Variants in ATRNL1 observed in about 807,000 individuals in gnomAD.
The protein encoded by ATRNL1 is attractin like 1.
A neutral mutation model predicts 182.7 loss-of-function variants in ATRNL1; 95 were observed. The observed-to-expected ratio is 0.52, with a 90% confidence interval of 0.44 to 0.62. The LOEUF (loss-of-function observed/expected upper bound fraction) is 0.62, where lower values mean the gene tolerates loss of function less well. ATRNL1 is among the 20% of genes least tolerant of loss of function. ATRNL1 has a pLI of 0.00. For missense variants in ATRNL1, 1,471 were observed against 1,679.5 expected (o/e 0.88, Z 2.17); for synonymous variants, 576 against 568.3 (o/e 1.01, Z -0.19).
chr10:115,463,689 T>C (rs142043405), intron 22 of ATRNL1, among the ~76,000 whole-genome samples: 214 of 152,206 alleles, frequency 1.4e-3, no homozygotes, highest in African/African-American at 4.8e-3. Flanking sequence ...GCCCCTGGTA[T>C]CTTTATTCTA....
At chr10:115,191,689 A>G (rs149716750) in intron 8 of ATRNL1, among the ~76,000 whole-genome samples, 6 of 152,064 alleles carry the variant, frequency 3.9e-5, no homozygotes, top group South Asian at 2.1e-4. Context: ...TAAGTATTTC[A>G]TAGTTCCTCC....
intron 15 of ATRNL1, among the ~76,000 whole-genome samples, chr10:115,291,873 A>G (rs532367991): frequency 1.6e-4 from 23 of 144,142 alleles, no homozygotes; most frequent in Non-Finnish European, 2.7e-4. Flanking sequence ...TGCTGACCTC[A>G]TAGAATGAGT....
intron 28 of ATRNL1, among the ~76,000 whole-genome samples, chr10:115,899,828 C>A (rs1304440166): frequency 6.6e-6 from 1 of 152,062 alleles, no homozygotes; most frequent in Non-Finnish European, 1.5e-5. Context: ...TTCTACATGA[C>A]TGATGGTTAA....
chr10:115,130,883 TC>T, intron 5 of ATRNL1, among the ~76,000 whole-genome samples: 1 of 152,122 alleles, frequency 6.6e-6, no homozygotes, highest in Non-Finnish European at 1.5e-5. Context: ...ATTTCAGCAG[TC>T]TTAAAAGCAA....
At chr10:115,138,012 G>A (rs1158754295) in intron 5 of ATRNL1, among the ~76,000 whole-genome samples, 1 of 152,164 alleles carries the variant, frequency 6.6e-6, no homozygotes, top group East Asian at 1.9e-4. Flanking sequence ...GGAGAAATTG[G>A]CAAAGCAAAG....
At chr10:115,145,454 G>A (rs1470343603) in intron 5 of ATRNL1, among the ~76,000 whole-genome samples, 3 of 152,082 alleles carry the variant, frequency 2.0e-5, no homozygotes, top group Admixed American at 6.6e-5. Flanking sequence ...TCTTGGAACA[G>A]ATCTAGTATA....
At chr10:115,147,131 G>A (rs1184249666) in intron 5 of ATRNL1, among the ~76,000 whole-genome samples, 2 of 151,996 alleles carry the variant, frequency 1.3e-5, no homozygotes, top group Non-Finnish European at 2.9e-5. Context: ...ATCCTTGCCA[G>A]CATCTGTTAT....
chr10:115,756,593 A>G (rs1305634552), intron 27 of ATRNL1, among the ~76,000 whole-genome samples: 1 of 152,122 alleles, frequency 6.6e-6, no homozygotes, highest in Non-Finnish European at 1.5e-5. Context: ...TATGTGGTCA[A>G]TTTTAGAATA....
At chr10:115,370,580 C>T (rs574364626) in intron 19 of ATRNL1, among the ~76,000 whole-genome samples, 12 of 152,290 alleles carry the variant, frequency 7.9e-5, no homozygotes, top group Middle Eastern at 3.4e-3. Flanking sequence ...ATTTGTGGAA[C>T]TTTGAACTTG....
At chr10:115,188,226 A>G (rs1325584753) in intron 8 of ATRNL1, among the ~76,000 whole-genome samples, 15 of 152,146 alleles carry the variant, frequency 9.9e-5, no homozygotes, top group Admixed American at 9.8e-4. Context: ...TTATTTGCAA[A>G]TAAATGTGAA....
chr10:115,903,230 G>A (rs1952406592), intron 28 of ATRNL1, among the ~76,000 whole-genome samples: 1 of 152,072 alleles, frequency 6.6e-6, no homozygotes, highest in Admixed American at 6.6e-5. Context: ...TGCATCTGGT[G>A]GGTGCTAAGT....
At chr10:115,188,364 A>G (rs915118950) in intron 8 of ATRNL1, among the ~76,000 whole-genome samples, 3 of 152,222 alleles carry the variant, frequency 2.0e-5, no homozygotes, top group South Asian at 4.1e-4. Context: ...CTTTTTTGTT[A>G]TACTTAGAAT....
intron 26 of ATRNL1, among the ~76,000 whole-genome samples, chr10:115,668,672 G>T (rs782150338): frequency 1.3e-5 from 2 of 152,040 alleles, no homozygotes; most frequent in African/African-American, 2.4e-5. Context: ...GTACTAAAAT[G>T]TCCATTTTTT....
intron 26 of ATRNL1, among the ~76,000 whole-genome samples, chr10:115,713,453 G>GTGTGTGTGTGTGTT (rs1555055227): frequency 2.8e-5 from 4 of 141,494 alleles, no homozygotes; most frequent in East Asian, 4.3e-4. Flanking sequence ...CTGTGTGTGT[G>GTGTGTGTGTGTGTT]TGTGTGTGTG....
At chr10:115,484,143 A>G (rs1442106214) in intron 24 of ATRNL1, among the ~76,000 whole-genome samples, 26 of 151,552 alleles carry the variant, frequency 1.7e-4, no homozygotes, top group African/African-American at 2.7e-4. Context: ...GTAAATGTCA[A>G]ATCTTAGATC....
chr10:115,449,402 G>A (rs1456200620), intron 21 of ATRNL1, among the ~76,000 whole-genome samples: 1 of 152,098 alleles, frequency 6.6e-6, no homozygotes, highest in Non-Finnish European at 1.5e-5. Context: ...CCCACTGCAA[G>A]CCACTTTCAT....
chr10:115,574,273 T>C (rs1254237978), intron 26 of ATRNL1, among the ~76,000 whole-genome samples: 1 of 151,000 alleles, frequency 6.6e-6, no homozygotes, highest in Non-Finnish European at 1.5e-5. Flanking sequence ...TATGTACATG[T>C]ATATATCTAT....
chr10:115,250,467 T>C (rs1388965680), intron 10 of ATRNL1, among the ~76,000 whole-genome samples: 1 of 152,186 alleles, frequency 6.6e-6, no homozygotes, highest in African/African-American at 2.4e-5. Context: ...CTGGGTCATA[T>C]GTGCCTAGCT....
chr10:115,519,106 C>G (rs190284519), intron 24 of ATRNL1, among the ~76,000 whole-genome samples, 157 bp from the exon 25 acceptor site: 56 of 152,086 alleles, frequency 3.7e-4, no homozygotes, highest in African/African-American at 1.1e-3. Flanking sequence ...ATTAGGTATT[C>G]TAGATGAAAT....
Sources: allele counts gnomAD v4.1 joint callset (sites outside exome capture counted in the v4.1 genomes callset), GRCh38; gene constraint gnomAD v4.1.1; transcripts MANE v1.5; gene names NCBI Gene and HGNC (gene_info 2026-07-23, HGNC 2026-07-21).